Variants in PAMR1 observed in about 807,000 individuals in gnomAD.
PAMR1 encodes peptidase domain containing associated with muscle regeneration 1, also known as inactive serine protease PAMR1.
A neutral mutation model predicts 81.8 loss-of-function variants in PAMR1; 88 were observed. The observed-to-expected ratio is 1.08, with a 90% CI of 0.91 to 1.28. The LOEUF is 1.28. Among genes scored for constraint, PAMR1 ranks in the 50% most tolerant of loss-of-function variants. PAMR1 has a pLI of 0.00. For missense variants in PAMR1, 935 were observed against 919.7 expected (o/e 1.02, Z -0.21); for synonymous variants, 336 against 345.3 (o/e 0.97, Z 0.30).
chr11:35,490,954 T>C (rs183807035), intron 3 of PAMR1, among the ~76,000 whole-genome samples: 4 of 152,336 alleles, frequency 2.6e-5, no homozygotes, highest in Admixed American at 2.6e-4. Context: ...TTCTGCTCAT[T>C]ATGCAATGCA....
At chr11:35,492,007 T>G (rs771084211) in intron 3 of PAMR1, 38 bp downstream of exon 3, 1 of 1,568,154 alleles carries the variant, frequency 6.4e-7, no homozygotes, top group Non-Finnish European at 8.6e-7. Context: ...TTTAAGACAG[T>G]GTGCACTAGA....
At chr11:35,441,286 C>T (rs1856158384) in intron 7 of PAMR1, among the ~76,000 whole-genome samples, 195 bp downstream of exon 7, 1 of 151,354 alleles carries the variant, frequency 6.6e-6, no homozygotes, top group African/African-American at 2.5e-5. Context: ...TTAGGGAAAG[C>T]AGGTCCTCTT....
At chr11:35,462,565 TG>T (rs1290863959) in intron 6 of PAMR1, among the ~76,000 whole-genome samples, 1 of 152,174 alleles carries the variant, frequency 6.6e-6, no homozygotes, top group African/African-American at 2.4e-5. Context: ...TAGAAACTAG[TG>T]TTGTTGCCCT....
chr11:35,497,117 G>T (rs549819650), intron 1 of PAMR1, among the ~76,000 whole-genome samples: 2 of 152,194 alleles, frequency 1.3e-5, no homozygotes, highest in South Asian at 4.1e-4. Flanking sequence ...AGTGAGCCAA[G>T]ATTGTGTCAT....
rs142994873 is a variant in PAMR1 at position 35,495,660 on chromosome 11, C to T, written c.74-1388G>A. Among the ~76,000 whole-genome samples the T allele has an allele frequency of 5.7e-3, 864 of 152,268 alleles. 2 individuals are homozygous for T. The highest frequency in any genetic ancestry group is 0.014 in the Middle Eastern group (4 of 294). On this transcript the variant is annotated intron_variant, in intron 1 of 10. Transcript: ENST00000619888. Reference sequence around the variant, plus strand: ...CCAGGCAGGGATCACCAGCATGCTTCGTAGGCCCGCATAAATGAATTCTAG... The same window carrying T: ...CCAGGCAGGGATCACCAGCATGCTTTGTAGGCCCGCATAAATGAATTCTAG...
rs1370497364 is a variant in PAMR1, at chr11:35,492,124, C to T, written c.300G>A (p.Gly100=). The T allele has an allele frequency of 6.2e-7, 1 of 1,613,956 alleles. No individual in the cohort carries two copies. Among genetic ancestry groups the T allele is most frequent in the Admixed American group, 1.7e-5 (1 of 59,996 alleles). The part of the protein sequence containing the change: ...NCKSCRNGSW[G]GTLDDFYVKG... ...TCACATAGAAGTCATCCAAGGTACCCCCCCATGAGCCATTTCGGCAGCTCT... is the reference window on the plus strand; with the variant it reads ...TCACATAGAAGTCATCCAAGGTACCTCCCCATGAGCCATTTCGGCAGCTCT... The change falls in exon 3 of 11, where the codon GGG becomes GGA. Residue 100 remains glycine (G), a synonymous_variant. Transcript: ENST00000619888.
chr11:35,436,173 T>A, intron 8 of PAMR1, 38 bp from the exon 9 acceptor site: 1 of 1,370,590 alleles, frequency 7.3e-7, no homozygotes, highest in Non-Finnish European at 1.0e-6. Flanking sequence ...AAGAGCAGGG[T>A]GAGAGAAAGT....
intron 5 of PAMR1, among the ~76,000 whole-genome samples, chr11:35,469,710 A>T (rs1469219210): frequency 6.6e-6 from 1 of 152,204 alleles, no homozygotes; most frequent in Non-Finnish European, 1.5e-5. Context: ...TTATTCAGCC[A>T]CCCACCTTCT....
chr11:35,480,877 C>T (rs1393479823), intron 3 of PAMR1, among the ~76,000 whole-genome samples: 3 of 152,238 alleles, frequency 2.0e-5, no homozygotes, highest in East Asian at 3.9e-4. Context: ...CTGACACGCT[C>T]TGGTGTGTGT....
In PAMR1 at chr11:35,511,697, G is replaced by C. The variant is rs541966371; in HGVS notation, c.73+13816C>G. On this transcript the variant is annotated intron_variant, in intron 1 of 10. Coordinates refer to ENST00000619888, the MANE Select transcript of PAMR1 (RefSeq NM_001001991.3). The stretch of plus-strand genomic sequence containing the variant: ...GAAAAAAGGACATAGGAAACAGAGA[G>C]AGATACAACTAGGCAGCTTGGGCTC... Among the ~76,000 whole-genome samples, 3 of 152,312 alleles carry C rather than the reference G, an allele frequency of 2.0e-5. No homozygotes were observed. The East Asian group carries it at 5.8e-4, about 29-fold the overall frequency.
intron 7 of PAMR1, 54 bp from the exon 8 acceptor site, chr11:35,439,747 A>C: frequency 6.8e-7 from 1 of 1,472,500 alleles, no homozygotes; most frequent in South Asian, 1.1e-5. Flanking sequence ...CACTGTTCAT[A>C]TCATTCAGTT....
intron 5 of PAMR1, 45 bp from the exon 6 acceptor site, chr11:35,468,153 G>A (rs878981745): frequency 1.4e-5 from 17 of 1,211,368 alleles, no homozygotes; most frequent in East Asian, 1.0e-4. Context: ...ACATTGAGTC[G>A]ATGTCTTCAG....
rs1017600415 is a variant in PAMR1 at position 35,514,083 on chromosome 11, C to T, written c.73+11430G>A. Reference sequence around the variant, plus strand: ...TCTGAACCCACATCCATGGAATCTGCCCCTCCTTTATGCTGCTGGACAACC... The same window carrying T: ...TCTGAACCCACATCCATGGAATCTGTCCCTCCTTTATGCTGCTGGACAACC... On this transcript the variant is annotated intron_variant, in intron 1 of 10. Transcript: ENST00000619888. Among the ~76,000 whole-genome samples the T allele has an allele frequency of 2.3e-5, 3 of 131,698 alleles. No individual in the cohort carries two copies. The South Asian group carries it at 8.0e-4, about 35-fold the overall frequency. The allele number at this position is 131,698 out of a possible 152,430, so 86.4% of individuals were successfully genotyped here. A position where few individuals can be genotyped will look rare whatever the true frequency, so the allele number is the denominator to read the frequency against.
chr11:35,525,039 G>A (rs1851359386), intron 1 of PAMR1, among the ~76,000 whole-genome samples: 1 of 152,102 alleles, frequency 6.6e-6, no homozygotes, highest in African/African-American at 2.4e-5. Context: ...AGTTCGTGAA[G>A]CAAGATTCAC....
intron 1 of PAMR1, among the ~76,000 whole-genome samples, chr11:35,510,057 T>C (rs907834432): frequency 1.3e-5 from 2 of 152,246 alleles, no homozygotes; most frequent in African/African-American, 4.8e-5. Flanking sequence ...TAGGGAGTTC[T>C]GGGTGCTACA....
At chr11:35,527,086 G>T (rs1167524116), upstream of PAMR1, among the ~76,000 whole-genome samples, 1 of 152,116 alleles carries the variant, frequency 6.6e-6, no homozygotes, top group Non-Finnish European at 1.5e-5. Flanking sequence ...AGATCAGAAG[G>T]TCAGGAGCCC....
chr11:35,440,241 C>A (rs374798381), intron 7 of PAMR1, among the ~76,000 whole-genome samples: 29 of 152,276 alleles, frequency 1.9e-4, no homozygotes, highest in East Asian at 1.7e-3. Context: ...GAAAAGGAAT[C>A]CTTCCCATCT....
intron 2 of PAMR1, 111 bp downstream of exon 2, chr11:35,493,985 G>A (rs1850675013): frequency 2.5e-6 from 2 of 785,346 alleles, no homozygotes; most frequent in African/African-American, 3.4e-5. Flanking sequence ...TCATAATCAT[G>A]GCACCACAGC....
upstream of PAMR1, among the ~76,000 whole-genome samples, chr11:35,528,216 C>T (rs549993044): frequency 1.0e-3 from 152 of 152,236 alleles, no homozygotes; most frequent in Non-Finnish European, 1.4e-3. Context: ...TCTCTGTTCT[C>T]CCCCCATTTT....
Sources: allele counts gnomAD v4.1 joint callset (sites outside exome capture counted in the v4.1 genomes callset), GRCh38; gene constraint gnomAD v4.1.1; transcripts MANE v1.5; gene names NCBI Gene and HGNC (gene_info 2026-07-23, HGNC 2026-07-21).